The following GCNT1 variants were observed in gnomAD, a reference collection of about 807,000 sequenced individuals.
The protein encoded by GCNT1 is glucosaminyl (N-acetyl) transferase 1, also known as beta-1,3-galactosyl-O-glycosyl-glycoprotein beta-1,6-N-acetylglucosaminyltransferase.
GCNT1 carries 16 observed loss-of-function variants against 26.2 expected under a neutral mutation model. That is an observed-to-expected ratio of 0.61 (90% CI 0.41 to 0.93). GCNT1 has a LOEUF of 0.93. GCNT1 is among the 40% of genes least tolerant of loss of function. The pLI, the probability that GCNT1 is intolerant of heterozygous loss-of-function variation, is 0.00. For missense variants in GCNT1, 477 were observed against 526.7 expected (o/e 0.91, Z 0.92); for synonymous variants, 183 against 190.8 (o/e 0.96, Z 0.34).
At chr9:76,448,902 G>A (rs1823618813) in intron 1 of GCNT1, among the ~76,000 whole-genome samples, 1 of 152,198 alleles carries the variant, frequency 6.6e-6, no homozygotes, top group Admixed American at 6.5e-5. Context: ...TAAACACCCT[G>A]ATGGGCATCT....
At chr9:76,447,384 T>G (rs984161294) in intron 1 of GCNT1, among the ~76,000 whole-genome samples, 1 of 151,670 alleles carries the variant, frequency 6.6e-6, no homozygotes, top group Non-Finnish European at 1.5e-5. Context: ...GGACCATAGG[T>G]GTGCACCACC....
chr9:76,468,979 A>G lies in GCNT1; in HGVS notation c.-290+8802A>G, dbSNP rs573645541. On this transcript the variant is annotated intron_variant, in intron 2 of 3. Coordinates refer to ENST00000376730, the MANE Select transcript of GCNT1 (RefSeq NM_001490.5). ...AATTGTCATACTACTTTAATTGAAA[A>G]GTAACAATGAGTTTTTAATCCATTT... Among the ~76,000 whole-genome samples the G allele has an allele frequency of 3.3e-5, 5 of 152,350 alleles. No individual in the cohort carries two copies. The East Asian group carries it at 9.6e-4, about 29-fold the overall frequency.
chr9:76,403,135 C>T, the GCNT1 span, among the ~76,000 whole-genome samples: 2 of 152,186 alleles, frequency 1.3e-5, no homozygotes, highest in Non-Finnish European at 2.9e-5. Flanking sequence ...ATTCTAATGT[C>T]AGGTCAGGCC....
chr9:76,420,476 T>A (rs1294992052), intron 1 of GCNT1: 1 of 151,902 alleles, frequency 6.6e-6, no homozygotes, highest in Non-Finnish European at 1.5e-5. Context: ...GGTCTTGCTA[T>A]GTTGCCCAGT....
chr9:76,438,814 A>G (rs183376382), upstream of GCNT1, among the ~76,000 whole-genome samples: 1 of 151,150 alleles, frequency 6.6e-6, no homozygotes, highest in African/African-American at 2.4e-5. Context: ...AAAAAAAAAA[A>G]CTCATAATGT....
chr9:76,483,954 G>C (rs147549672), intron 2 of GCNT1, among the ~76,000 whole-genome samples: 159 of 152,252 alleles, frequency 1.0e-3, no homozygotes, highest in African/African-American at 3.5e-3. Flanking sequence ...AGCTGGGATC[G>C]TAAGTGTGTG....
intron 1 of GCNT1, among the ~76,000 whole-genome samples, chr9:76,444,638 C>T (rs1823545759): frequency 6.6e-6 from 1 of 152,186 alleles, no homozygotes; most frequent in South Asian, 2.1e-4. Context: ...GGACTAAGCA[C>T]CTGATTAGAG....
At chr9:76,478,070 T>C (rs1034532827) in intron 2 of GCNT1, among the ~76,000 whole-genome samples, 1 of 152,134 alleles carries the variant, frequency 6.6e-6, no homozygotes, top group Non-Finnish European at 1.5e-5. Flanking sequence ...CTCTGTAAAA[T>C]GGACCAATCA....
chr9:76,440,716 G>T (rs1200971070), upstream of GCNT1, among the ~76,000 whole-genome samples: 2 of 152,188 alleles, frequency 1.3e-5, no homozygotes, highest in African/African-American at 4.8e-5. Context: ...CCTAAGAGGA[G>T]TCTTCCCTGG....
the GCNT1 span, among the ~76,000 whole-genome samples, chr9:76,403,093 A>G: frequency 6.6e-6 from 1 of 152,206 alleles, no homozygotes; most frequent in Non-Finnish European, 1.5e-5. Context: ...TTCTACCCAC[A>G]TGAGACACTA....
intron 1 of GCNT1, among the ~76,000 whole-genome samples, chr9:76,434,839 G>T (rs1294148543): frequency 1.3e-5 from 2 of 152,072 alleles, no homozygotes; most frequent in African/African-American, 4.8e-5. Flanking sequence ...CTGGGGAGAG[G>T]TCTATAAACA....
At chr9:76,401,404 TA>T in the GCNT1 span, among the ~76,000 whole-genome samples, 1 of 152,166 alleles carries the variant, frequency 6.6e-6, no homozygotes, top group South Asian at 2.1e-4. Flanking sequence ...TAACTGGAAC[TA>T]CAGGTGTACA....
At chr9:76,460,657 T>C (rs116378878) in intron 2 of GCNT1, among the ~76,000 whole-genome samples, 1,569 of 152,334 alleles carry the variant, frequency 0.01, 22 homozygotes, top group African/African-American at 0.036. Context: ...GGAATTTTTT[T>C]CGGGCCCTTA....
the GCNT1 span, among the ~76,000 whole-genome samples, chr9:76,398,133 G>A: frequency 6.6e-6 from 1 of 151,584 alleles, no homozygotes; most frequent in Admixed American, 6.6e-5. Context: ...ATTTGTCTCT[G>A]TAGAAAGAAG....
chr9:76,429,715 C>CTTTT (rs59977325), intron 1 of GCNT1, among the ~76,000 whole-genome samples: 3 of 107,078 alleles, frequency 2.8e-5, no homozygotes, highest in Non-Finnish European at 5.8e-5. Flanking sequence ...TGTTTTCTTT[C>CTTTT]TTTTTTTTTT....
chr9:76,398,568 A>G, the GCNT1 span: 4 of 665,306 alleles, frequency 6.0e-6, no homozygotes, highest in Non-Finnish European at 1.1e-5. Flanking sequence ...GCTCACTTAT[A>G]TTTAATCAAA....
chr9:76,413,668 GTTTT>G, the GCNT1 span, among the ~76,000 whole-genome samples: 1 of 84,212 alleles, frequency 1.2e-5, no homozygotes, highest in African/African-American at 4.0e-5. Flanking sequence ...TTTTTTTTTT[GTTTT>G]TTTTTTTTTT....
At chr9:76,454,098 C>T (rs956441332) in intron 1 of GCNT1, among the ~76,000 whole-genome samples, 1 of 151,978 alleles carries the variant, frequency 6.6e-6, no homozygotes, top group Non-Finnish European at 1.5e-5. Context: ...GAACCAGTAT[C>T]GGCTGAGTGC....
chr9:76,399,239 G>A, the GCNT1 span: 5 of 1,497,546 alleles, frequency 3.3e-6, no homozygotes, highest in Non-Finnish European at 4.6e-6. Context: ...GCTGGCTCGG[G>A]AAGTTCTGCG....
Sources: gnomAD v4.1 joint callset for allele counts (sites outside exome capture counted in the v4.1 genomes callset) on GRCh38, gnomAD v4.1.1 for gene constraint, MANE v1.5 for transcripts, NCBI Gene and HGNC (gene_info 2026-07-23, HGNC 2026-07-21) for gene names.